The following ADAMTS17 variants were observed in gnomAD, a reference collection of about 807,000 sequenced individuals.
The protein encoded by ADAMTS17 is ADAM metallopeptidase with thrombospondin type 1 motif 17.
In ADAMTS17, 113 loss-of-function variants were observed where a neutral mutation model predicts 141.5. The observed-to-expected ratio is 0.80, with a 90% CI of 0.69 to 0.93. The LOEUF (loss-of-function observed/expected upper bound fraction) is 0.93. Among genes scored for constraint, ADAMTS17 ranks in the 40% least tolerant of loss-of-function variants. ADAMTS17 has a pLI of 0.00. For missense variants in ADAMTS17, 1,659 were observed against 1,517.9 expected, an observed-to-expected ratio of 1.09 and a Z score of -1.54; for synonymous variants, 768 against 630.6, an observed-to-expected ratio of 1.22 and a Z score of -3.27.
intron 7 of ADAMTS17, among the ~76,000 whole-genome samples, chr15:100,205,370 C>T (rs1026534082): frequency 1.3e-5 from 2 of 152,088 alleles, no homozygotes; most frequent in African/African-American, 4.8e-5. Context: ...CCAAAACATG[C>T]CGGGAGAGGG....
At chr15:100,184,656 C>T (rs553574869) in intron 8 of ADAMTS17, among the ~76,000 whole-genome samples, 44 of 152,262 alleles carry the variant, frequency 2.9e-4, no homozygotes, top group Non-Finnish European at 5.1e-4. Flanking sequence ...AGAGGCCCAG[C>T]GTAGGTTGTC....
At chr15:100,286,457 C>T (rs2142101852) in intron 3 of ADAMTS17, among the ~76,000 whole-genome samples, 2 of 152,322 alleles carry the variant, frequency 1.3e-5, no homozygotes, top group South Asian at 4.1e-4. Context: ...GGGAACACCT[C>T]AGCCTCTCCA....
intron 3 of ADAMTS17, among the ~76,000 whole-genome samples, chr15:100,303,910 G>C (rs1447396339): frequency 6.6e-6 from 1 of 152,110 alleles, no homozygotes; most frequent in Non-Finnish European, 1.5e-5. Context: ...TTTTAGTAGA[G>C]ACGGCGTTTC....
intron 2 of ADAMTS17, among the ~76,000 whole-genome samples, chr15:100,335,836 C>A (rs922271908): frequency 6.6e-6 from 1 of 151,042 alleles, no homozygotes; most frequent in African/African-American, 2.4e-5. Flanking sequence ...CGCTCAAGAT[C>A]ACAGCTCCAA....
At chr15:100,194,538 G>A (rs1307153892) in intron 8 of ADAMTS17, among the ~76,000 whole-genome samples, 2 of 152,124 alleles carry the variant, frequency 1.3e-5, no homozygotes, top group Admixed American at 6.6e-5. Context: ...CTTGATCTGG[G>A]TTTTATTTTT....
chr15:100,035,572 C>A (rs771488682), intron 18 of ADAMTS17, among the ~76,000 whole-genome samples: 2 of 152,002 alleles, frequency 1.3e-5, no homozygotes, highest in Non-Finnish European at 2.9e-5. Flanking sequence ...GCACTTTTTT[C>A]AGGGTAGGAT....
intron 14 of ADAMTS17, among the ~76,000 whole-genome samples, chr15:100,097,872 G>C (rs775081131): frequency 6.6e-6 from 1 of 152,162 alleles, no homozygotes; most frequent in East Asian, 1.9e-4. Flanking sequence ...CATCCTCGGA[G>C]CCTTTTATTT....
intron 3 of ADAMTS17, among the ~76,000 whole-genome samples, chr15:100,306,740 T>C (rs58739318): frequency 0.077 from 11,783 of 152,268 alleles, 470 homozygotes; most frequent in Non-Finnish European, 0.087. Context: ...GTTTCTCCCA[T>C]GCTCGAACTC....
At chr15:100,112,591 T>G (rs1185421969) in intron 13 of ADAMTS17, among the ~76,000 whole-genome samples, 1 of 152,076 alleles carries the variant, frequency 6.6e-6, no homozygotes, top group African/African-American at 2.4e-5. Flanking sequence ...GTGGTGGGAT[T>G]CAGCTTTGCA....
chr15:100,188,282 G>T (rs1011272395), intron 8 of ADAMTS17, among the ~76,000 whole-genome samples: 1 of 151,882 alleles, frequency 6.6e-6, no homozygotes, highest in Non-Finnish European at 1.5e-5. Flanking sequence ...TCTCCATGTT[G>T]GTCAGGCTGG....
At chr15:100,150,335 G>T (rs960004958) in intron 10 of ADAMTS17, among the ~76,000 whole-genome samples, 1 of 152,150 alleles carries the variant, frequency 6.6e-6, no homozygotes, top group African/African-American at 2.4e-5. Context: ...GTCTATCTTT[G>T]AATGACAGTA....
intron 4 of ADAMTS17, among the ~76,000 whole-genome samples, chr15:100,279,296 C>T (rs1052511891): frequency 6.6e-6 from 1 of 152,234 alleles, no homozygotes; most frequent in African/African-American, 2.4e-5. Context: ...GCACTTACCC[C>T]TGAGCTCCAG....
rs886382097 is a variant in ADAMTS17 at position 100,287,088 on chromosome 15, T to A, written c.617-5687A>T. Among the ~76,000 whole-genome samples the A allele has an allele frequency of 2.3e-4, 35 of 152,204 alleles. 1 individual carries two copies. The highest frequency in any genetic ancestry group is 3.4e-3 in the Middle Eastern group (1 of 294). On this transcript the variant is annotated intron_variant, in intron 3 of 21. Transcript: ENST00000268070. ...CTGTAGTCCCAGCTACTCAGGAGGC[T>A]GAGGTGGGAGAATCACTTGAACCCA...
intron 8 of ADAMTS17, among the ~76,000 whole-genome samples, chr15:100,190,100 A>T (rs887696109): frequency 3.9e-5 from 6 of 152,348 alleles, no homozygotes; most frequent in African/African-American, 1.4e-4. Context: ...GGCTCTGCTT[A>T]ACAAGAGGAT....
At chr15:100,335,681 C>G (rs2046187933) in intron 2 of ADAMTS17, among the ~76,000 whole-genome samples, 1 of 152,228 alleles carries the variant, frequency 6.6e-6, no homozygotes, top group South Asian at 2.1e-4. Flanking sequence ...GAGAAGCGGC[C>G]TGTTTTTAAT....
chr15:100,104,389 C>T (rs1424738343), intron 14 of ADAMTS17, among the ~76,000 whole-genome samples: 2 of 152,174 alleles, frequency 1.3e-5, no homozygotes, highest in Non-Finnish European at 2.9e-5. Context: ...TAATTTGTGA[C>T]TCACTGAAAT....
At chr15:100,261,391 T>C in intron 6 of ADAMTS17, 88 bp downstream of exon 6, 1 of 1,586,968 alleles carries the variant, frequency 6.3e-7, no homozygotes, top group East Asian at 2.2e-5. Context: ...TTTCCAAGCC[T>C]GAGTTCTTAA....
At chr15:100,319,650 CA>C (rs1186911006) in intron 3 of ADAMTS17, among the ~76,000 whole-genome samples, 1 of 152,178 alleles carries the variant, frequency 6.6e-6, no homozygotes, top group African/African-American at 2.4e-5. Flanking sequence ...GTGGAGGTTA[CA>C]GTGAGTCAAG....
At chr15:100,048,579 G>A (rs921557171) in intron 18 of ADAMTS17, among the ~76,000 whole-genome samples, 1 of 148,488 alleles carries the variant, frequency 6.7e-6, no homozygotes, top group African/African-American at 2.5e-5. Context: ...AAAAGTGTGT[G>A]GTGATGGCCA....
Sources: gnomAD v4.1 joint callset for allele counts (sites outside exome capture counted in the v4.1 genomes callset) on GRCh38, gnomAD v4.1.1 for gene constraint, MANE v1.5 for transcripts, NCBI Gene and HGNC (gene_info 2026-07-23, HGNC 2026-07-21) for gene names.